The following PPP1R9A variants were observed in gnomAD, a reference collection of about 807,000 sequenced individuals.
PPP1R9A encodes the protein neurabin-1.
In PPP1R9A, 59 loss-of-function variants were observed where a neutral mutation model predicts 141.9. The observed-to-expected ratio is 0.42, with a 90% CI of 0.34 to 0.52. PPP1R9A has a LOEUF of 0.52. Among genes scored for constraint, PPP1R9A ranks in the 20% least tolerant of loss-of-function variants. The probability of loss-of-function intolerance (pLI) is 0.10; values close to 1 mark genes in which losing one functional copy is unlikely to be tolerated. For missense variants in PPP1R9A, 1,444 were observed against 1,611.9 expected (o/e 0.90, Z 1.78); for synonymous variants, 500 against 569.7 (o/e 0.88, Z 1.74).
At chr7:95,222,909 A>C (rs1794651698) in intron 7 of PPP1R9A, among the ~76,000 whole-genome samples, 1 of 152,042 alleles carries the variant, frequency 6.6e-6, no homozygotes, top group South Asian at 2.1e-4. Context: ...AATAAAGATA[A>C]AATATTAGAA....
intron 2 of PPP1R9A, among the ~76,000 whole-genome samples, chr7:95,053,547 G>A (rs756878798): frequency 6.6e-5 from 10 of 152,180 alleles, no homozygotes; most frequent in East Asian, 1.9e-4. Flanking sequence ...TGGAAACTGC[G>A]TAGAAAGCCT....
At chr7:95,140,306 G>A (rs1043471939) in intron 4 of PPP1R9A, among the ~76,000 whole-genome samples, 1 of 152,170 alleles carries the variant, frequency 6.6e-6, no homozygotes, top group Non-Finnish European at 1.5e-5. Flanking sequence ...GATCAAGTGG[G>A]AGAAGGCATA....
At chr7:94,968,204 G>T (rs1301160595) in intron 2 of PPP1R9A, among the ~76,000 whole-genome samples, 4 of 151,242 alleles carry the variant, frequency 2.6e-5, no homozygotes, top group African/African-American at 9.7e-5. Flanking sequence ...ACGGAGTCTC[G>T]CTCTGTCGCC....
chr7:95,012,610 C>T (rs1397439804), intron 2 of PPP1R9A, among the ~76,000 whole-genome samples: 7 of 152,032 alleles, frequency 4.6e-5, no homozygotes, highest in Non-Finnish European at 1.0e-4. Flanking sequence ...GTAAGATGAA[C>T]AAGATCATGC....
chr7:95,238,135 T>C (rs1463380198), intron 8 of PPP1R9A, among the ~76,000 whole-genome samples: 1 of 152,202 alleles, frequency 6.6e-6, no homozygotes, highest in Admixed American at 6.6e-5. Flanking sequence ...ACCTCTCCTC[T>C]TGTTGCCAAC....
At chr7:95,285,866 C>T (rs888044195) in intron 17 of PPP1R9A, among the ~76,000 whole-genome samples, 1 of 152,218 alleles carries the variant, frequency 6.6e-6, no homozygotes, top group Non-Finnish European at 1.5e-5. Flanking sequence ...TTTTTACTTA[C>T]ACTGTTACTC....
chr7:95,094,893 A>G (rs1174512561), intron 2 of PPP1R9A, among the ~76,000 whole-genome samples: 1 of 137,206 alleles, frequency 7.3e-6, no homozygotes, highest in Non-Finnish European at 1.6e-5. Flanking sequence ...AAAAAAAAAA[A>G]AAAAAAAAAA....
intron 2 of PPP1R9A, among the ~76,000 whole-genome samples, chr7:95,068,156 T>C (rs1813222906): frequency 6.6e-6 from 1 of 152,066 alleles, no homozygotes; most frequent in Non-Finnish European, 1.5e-5. Flanking sequence ...TAACGACTGT[T>C]AGCAAGAATT....
intron 2 of PPP1R9A, among the ~76,000 whole-genome samples, chr7:95,026,168 A>G (rs1332837298): frequency 6.6e-6 from 1 of 152,032 alleles, no homozygotes; most frequent in Non-Finnish European, 1.5e-5. Flanking sequence ...TGGTGTTTGG[A>G]ATTTTCAGCC....
At chr7:94,972,634 G>A (rs930573582) in intron 2 of PPP1R9A, among the ~76,000 whole-genome samples, 3 of 152,122 alleles carry the variant, frequency 2.0e-5, no homozygotes, top group Non-Finnish European at 4.4e-5. Flanking sequence ...TGTTTCCTGG[G>A]TTTGAGTTTT....
At chr7:95,031,371 C>T (rs559168948) in intron 2 of PPP1R9A, among the ~76,000 whole-genome samples, 82 of 151,766 alleles carry the variant, frequency 5.4e-4, no homozygotes, top group Non-Finnish European at 9.9e-4. Flanking sequence ...TTAAAGAAAC[C>T]CTATTTGGAA....
rs750475039 is a variant in PPP1R9A, at chr7:95,273,900, T to G, written c.3126T>G (p.Asp1042Glu). ...TTNKKILREKDDAKDPKSLRA... is the reference protein window; with the variant it reads ...TTNKKILREKEDAKDPKSLRA... Reference sequence around the variant, plus strand: ...TTTTCACAAATGTGTATATCCTAGATGATGCCAAAGATCCCAAATCACTAA... The same window carrying G: ...TTTTCACAAATGTGTATATCCTAGAGGATGCCAAAGATCCCAAATCACTAA... Residue 1042 changes from aspartate (D) to glutamate (E), a missense_variant and splice_region_variant, in exon 15 of 20, where the codon GAT (aspartate) becomes GAG (glutamate). Around this residue, in one of 5 missense-constraint regions of PPP1R9A, gnomAD observed 459 missense variants for 513.8 expected, o/e 0.89. Coordinates refer to ENST00000433360, the MANE Select transcript of PPP1R9A (RefSeq NM_001166160.2). The G allele has an allele frequency of 6.7e-7, 1 of 1,498,906 alleles. No homozygotes were observed. The highest frequency in any genetic ancestry group is 1.7e-5 in the Admixed American group (1 of 58,708). 92.9% of individuals were successfully genotyped at this position (1,498,906 alleles called of 1,614,324 possible). A position where few individuals can be genotyped will look rare whatever the true frequency, so the allele number is the denominator to read the frequency against.
chr7:95,267,754 G>A (rs950063111), intron 12 of PPP1R9A, among the ~76,000 whole-genome samples: 40 of 151,970 alleles, frequency 2.6e-4, no homozygotes, highest in African/African-American at 8.9e-4. Context: ...TTTCTGGTGG[G>A]GAGAGAAGGT....
At chr7:95,123,872 C>G (rs967380253) in intron 4 of PPP1R9A, among the ~76,000 whole-genome samples, 5 of 151,908 alleles carry the variant, frequency 3.3e-5, no homozygotes, top group African/African-American at 1.2e-4. Flanking sequence ...TGTTCTTGAA[C>G]CAAGTAAGAG....
intron 7 of PPP1R9A, among the ~76,000 whole-genome samples, chr7:95,204,545 A>C (rs528325623): frequency 6.6e-6 from 1 of 152,074 alleles, no homozygotes. Flanking sequence ...ATTCCGTTTA[A>C]GACCCTATCC....
intron 2 of PPP1R9A, among the ~76,000 whole-genome samples, chr7:94,941,543 T>A (rs2150949440): frequency 6.6e-6 from 1 of 152,174 alleles, no homozygotes; most frequent in South Asian, 2.1e-4. Context: ...TAGAAAGGAG[T>A]TTATCTAAAT....
At position 95,166,195 on chromosome 7, in the gene PPP1R9A, C is replaced by A. The variant is rs1831239302; in HGVS notation, c.1754+4224C>A. On this transcript the variant is annotated intron_variant, in intron 5 of 19. Transcript: ENST00000433360. ...AGAAAATTAGAAGAAAGAGTATCTT[C>A]ATTATGTAATAACAGAACATTTAAC... is the stretch of plus-strand genomic sequence containing the variant. Among the ~76,000 whole-genome samples the A allele has an allele frequency of 2.0e-5, 3 of 150,474 alleles. No homozygotes were observed. In the South Asian group the frequency reaches 6.3e-4, roughly 32 times the overall value.
chr7:95,064,338 T>A (rs1281954204), intron 2 of PPP1R9A, among the ~76,000 whole-genome samples: 1 of 152,248 alleles, frequency 6.6e-6, no homozygotes, highest in Non-Finnish European at 1.5e-5. Context: ...TGAAGCTTAT[T>A]TGATACGAAT....
Position 95,159,958 on chromosome 7 carries a change from A to T in PPP1R9A, c.1650-1909A>T, listed in dbSNP as rs75137584. ...AAAAAAAAAAGAAAGAAAGAAAGAA[A>T]AAATGTGACTCAAATATAGCACAAT... is the stretch of plus-strand genomic sequence containing the variant. On this transcript the variant is annotated intron_variant, in intron 4 of 19. Transcript: ENST00000433360. 9.0e-4 allele frequency among the ~76,000 whole-genome samples: 136 copies of T among 151,520 alleles called. 4 individuals are homozygous for T. The East Asian group carries it at 0.024, about 27-fold the overall frequency.
Sources: gnomAD v4.1 joint callset for allele counts (sites outside exome capture counted in the v4.1 genomes callset) on GRCh38, gnomAD v4.1.1 for gene constraint, gnomAD v4.1.1 regional missense constraint, MANE v1.5 for transcripts, NCBI Gene and HGNC (gene_info 2026-07-23, HGNC 2026-07-21) for gene names.